The following STIM2 variants were observed in gnomAD, a reference collection of about 807,000 sequenced individuals.
STIM2 encodes the protein stromal interaction molecule 2.
In STIM2, 31 loss-of-function variants were observed where a neutral mutation model predicts 85.8. That is an observed-to-expected ratio of 0.36 (90% CI 0.27 to 0.49). The LOEUF (loss-of-function observed/expected upper bound fraction) is 0.49. Among genes scored for constraint, STIM2 ranks in the 20% least tolerant of loss-of-function variants. The probability of loss-of-function intolerance (pLI) is 0.98; values close to 1 mark genes in which losing one functional copy is unlikely to be tolerated. For synonymous variants in STIM2, 356 were observed against 331.1 expected (o/e 1.08, Z -0.82); for missense variants, 841 against 927.6 (o/e 0.91, Z 1.21).
At position 26,861,028 on chromosome 4, in the gene STIM2, G is replaced by T. The variant is rs1178035542; in HGVS notation, c.-191G>T. On this transcript the variant is annotated 5_prime_UTR_variant, in exon 1 of 12. Transcript: ENST00000467087. ...GGGACCAGGCTGGCGCCCGGCGGGA[G>T]CCCGTGTCTGAGGCGGCGGGGGCGG... 8.1e-7 allele frequency: 1 copy of T among 1,227,964 alleles called. No homozygotes were observed. The highest frequency in any genetic ancestry group is 1.0e-6 in the Non-Finnish European group (1 of 980,290). 76.1% of individuals were successfully genotyped at this position (1,227,964 alleles called of 1,614,324 possible). A position where few individuals can be genotyped will look rare whatever the true frequency, so the allele number is the denominator to read the frequency against.
At position 27,023,941 on chromosome 4, in the gene STIM2, GATA is replaced by G. The variant is rs1047187477; in HGVS notation, c.*950_*952del. ...TGTGAAAAATGTGTACTGTGGAAAA[GATA>G]ATAAATTGAAGACATTATTGTGTGG... On this transcript the variant is annotated 3_prime_UTR_variant, in exon 12 of 12. Coordinates refer to ENST00000467087, the MANE Select transcript of STIM2 (RefSeq NM_020860.4). 9 of 152,602 alleles carry G rather than the reference GATA, an allele frequency of 5.9e-5. No homozygotes were observed. The highest frequency in any genetic ancestry group is 1.0e-4 in the Non-Finnish European group (7 of 68,042). The allele number at this position is 152,602 out of a possible 1,614,324, so 9.5% of individuals were successfully genotyped here. A position where few individuals can be genotyped will look rare whatever the true frequency, so the allele number is the denominator to read the frequency against.
Position 27,017,636 on chromosome 4 carries a change from G to T in STIM2, c.1490-75G>T, listed in dbSNP as rs1013075517. ...ACATATTAGTGACATCAGTTCTCTT[G>T]TGTGTATGTATTTGTGGTGACTGTA... On this transcript the variant is annotated intron_variant, in intron 10 of 11. Coordinates refer to ENST00000467087, the MANE Select transcript of STIM2 (RefSeq NM_020860.4). 14 of 1,552,048 alleles carry T rather than the reference G, an allele frequency of 9.0e-6. 1 individual carries two copies. The South Asian group carries it at 1.4e-4, about 16-fold the overall frequency.
chr4:26,934,140 G>A (rs1022085560), intron 2 of STIM2, among the ~76,000 whole-genome samples: 7 of 152,134 alleles, frequency 4.6e-5, no homozygotes, highest in East Asian at 1.9e-4. Context: ...TTTGCAGTGA[G>A]CCGAGATCGT....
intron 2 of STIM2, among the ~76,000 whole-genome samples, chr4:26,951,457 C>G (rs569454881): frequency 2.5e-3 from 375 of 152,212 alleles, no homozygotes; most frequent in Non-Finnish European, 4.2e-3. Context: ...GGCAGTCATA[C>G]GGCACAGTTG....
At chr4:26,890,823 CAAAAA>C (rs60092225) in intron 1 of STIM2, among the ~76,000 whole-genome samples, 1 of 51,056 alleles carries the variant, frequency 2.0e-5, no homozygotes, top group Non-Finnish European at 4.3e-5. Context: ...GACTCCGTCT[CAAAAA>C]AAAAAAAAAA....
chr4:26,873,175 G>A (rs1036923647), intron 1 of STIM2, among the ~76,000 whole-genome samples: 42 of 152,104 alleles, frequency 2.8e-4, no homozygotes, highest in Admixed American at 2.0e-3. Flanking sequence ...CGAGGCGGGC[G>A]GATCACCTGA....
At chr4:27,004,655 T>C (rs1728273588) in intron 7 of STIM2, among the ~76,000 whole-genome samples, 1 of 152,146 alleles carries the variant, frequency 6.6e-6, no homozygotes, top group Non-Finnish European at 1.5e-5. Context: ...ACATTCTAAC[T>C]TGAAGCTTTG....
intron 2 of STIM2, among the ~76,000 whole-genome samples, chr4:26,941,348 A>G (rs1725603913): frequency 6.6e-6 from 1 of 152,020 alleles, no homozygotes; most frequent in African/African-American, 2.4e-5. Context: ...GCATTGCACT[A>G]TTCCTTTATG....
In STIM2 at chr4:27,023,277, G is replaced by A. The variant is rs910241739; in HGVS notation, c.*281G>A. On this transcript the variant is annotated 3_prime_UTR_variant, in exon 12 of 12. Transcript: ENST00000467087. ...CCTATTTATTTCTGCTTTGTTCTCA[G>A]TGATGTATATGCAACATTTTGTTGA... 2 of 380,494 alleles carry A rather than the reference G, an allele frequency of 5.3e-6. No individual in the cohort carries two copies. The highest frequency in any genetic ancestry group is 2.0e-5 in the African/African-American group (1 of 49,356). 23.6% of individuals were successfully genotyped at this position (380,494 alleles called of 1,614,324 possible). A position where few individuals can be genotyped will look rare whatever the true frequency, so the allele number is the denominator to read the frequency against.
Position 26,861,294 on chromosome 4 carries a change from C to T in STIM2, c.76C>T (p.Arg26Trp). ...TGTGCCCCGGCACCTCCGCGGGCGG[C>T]GGGCGACTGGCTCTGCCGCAACTGC... is the stretch of plus-strand genomic sequence containing the variant. Residue 26 changes from arginine to tryptophan, a missense_variant, in exon 1 of 12, where the codon CGG (arginine) becomes TGG (tryptophan). This residue lies in a region of STIM2 where 140 missense variants were observed against 117.7 expected (regional missense o/e 1.19). Transcript: ENST00000467087. 3 of 1,448,334 alleles carry T rather than the reference C, an allele frequency of 2.1e-6. No individual in the cohort carries two copies. Among genetic ancestry groups the T allele is most frequent in the Non-Finnish European group, 2.7e-6 (3 of 1,104,246 alleles). 89.7% of individuals were successfully genotyped at this position (1,448,334 alleles called of 1,614,324 possible). A position where few individuals can be genotyped will look rare whatever the true frequency, so the allele number is the denominator to read the frequency against.
intron 3 of STIM2, among the ~76,000 whole-genome samples, chr4:26,975,134 T>C (rs914704725): frequency 1.3e-5 from 2 of 152,214 alleles, no homozygotes; most frequent in Non-Finnish European, 2.9e-5. Context: ...AGTTAGCCAT[T>C]CGTCTAATCT....
intron 2 of STIM2, among the ~76,000 whole-genome samples, chr4:26,956,826 A>G (rs1243507546): frequency 6.6e-6 from 1 of 152,132 alleles, no homozygotes; most frequent in Non-Finnish European, 1.5e-5. Context: ...ATATAACCAA[A>G]TGGCTTGCGT....
At chr4:26,978,325 T>C (rs1199530792) in intron 3 of STIM2, among the ~76,000 whole-genome samples, 1 of 148,354 alleles carries the variant, frequency 6.7e-6, no homozygotes, top group African/African-American at 2.5e-5. Context: ...GAATATATAT[T>C]ATATATATAT....
At chr4:26,864,796 G>A (rs960552390) in intron 1 of STIM2, among the ~76,000 whole-genome samples, 1 of 151,998 alleles carries the variant, frequency 6.6e-6, no homozygotes, top group Non-Finnish European at 1.5e-5. Flanking sequence ...ATTTAGAATG[G>A]CCACTTTACC....
At chr4:26,892,527 T>C (rs1480069655) in intron 1 of STIM2, among the ~76,000 whole-genome samples, 1 of 152,168 alleles carries the variant, frequency 6.6e-6, no homozygotes. Flanking sequence ...ATGAATTTTT[T>C]TGGGGGGGGA....
intron 2 of STIM2, 23 bp from the exon 3 acceptor site, chr4:26,957,589 A>C: frequency 7.7e-7 from 1 of 1,294,190 alleles, no homozygotes; most frequent in Non-Finnish European, 1.1e-6. Context: ...TTTATATTTA[A>C]CTTAATGTTT....
At chr4:26,912,974 G>A (rs1194857951) in intron 1 of STIM2, among the ~76,000 whole-genome samples, 2 of 152,092 alleles carry the variant, frequency 1.3e-5, no homozygotes, top group East Asian at 1.9e-4. Flanking sequence ...CAACACCCCC[G>A]CCATTGACCG....
intron 4 of STIM2, among the ~76,000 whole-genome samples, chr4:26,998,911 C>A (rs147007413): frequency 6.1e-4 from 90 of 147,312 alleles, no homozygotes; most frequent in African/African-American, 9.0e-4. Context: ...GACTCTGTCT[C>A]AAAAAAAAAA....
At chr4:26,952,352 G>T (rs1257404967) in intron 2 of STIM2, among the ~76,000 whole-genome samples, 1 of 152,088 alleles carries the variant, frequency 6.6e-6, no homozygotes, top group South Asian at 2.1e-4. Flanking sequence ...GCTGGTGTTT[G>T]TAGTACCTCA....
Sources: gnomAD v4.1 joint callset for allele counts (sites outside exome capture counted in the v4.1 genomes callset) on GRCh38, gnomAD v4.1.1 for gene constraint, gnomAD v4.1.1 regional missense constraint, MANE v1.5 for transcripts, NCBI Gene and HGNC (gene_info 2026-07-23, HGNC 2026-07-21) for gene names.